TNFSF4: variants seen among roughly 807,000 people sequenced by gnomAD.
The protein encoded by TNFSF4 is TNF superfamily member 4.
A neutral mutation model predicts 7.3 loss-of-function variants in TNFSF4; 4 were observed. The ratio of observed to expected loss-of-function variants is 0.55; its 90% confidence interval spans 0.27 to 1.25. The LOEUF is 1.25. Ranked by LOEUF, TNFSF4 falls within the 50% of genes most tolerant of loss-of-function variation. The pLI is 0.12. For missense variants in TNFSF4, 181 were observed against 208.8 expected, an observed-to-expected ratio of 0.87 and a Z score of 0.82; for synonymous variants, 76 against 83.7, an observed-to-expected ratio of 0.91 and a Z score of 0.50.
the TNFSF4 span, among the ~76,000 whole-genome samples, chr1:173,404,013 A>T: frequency 1.3e-5 from 2 of 152,324 alleles, no homozygotes; most frequent in Non-Finnish European, 2.9e-5. Context: ...GAGACCTGAA[A>T]ATCTATTGGA....
At chr1:173,444,393 C>T in the TNFSF4 span, among the ~76,000 whole-genome samples, 26 of 151,432 alleles carry the variant, frequency 1.7e-4, no homozygotes, top group East Asian at 2.9e-3. Context: ...CTGTTTTTTT[C>T]GTACAAAAAG....
At chr1:173,447,730 T>C in the TNFSF4 span, among the ~76,000 whole-genome samples, 2 of 152,014 alleles carry the variant, frequency 1.3e-5, no homozygotes, top group Non-Finnish European at 2.9e-5. Context: ...ACAGAGGAAT[T>C]AAAGACAGAG....
At chr1:173,428,632 G>A in the TNFSF4 span, among the ~76,000 whole-genome samples, 80 of 152,316 alleles carry the variant, frequency 5.3e-4, no homozygotes, top group Non-Finnish European at 1.1e-3. Context: ...GCTAATGTTA[G>A]TTGAATTTAT....
the TNFSF4 span, among the ~76,000 whole-genome samples, chr1:173,281,704 C>T: frequency 1.3e-5 from 2 of 152,132 alleles, no homozygotes; most frequent in Non-Finnish European, 2.9e-5. Flanking sequence ...TGTTGGCTTG[C>T]TTCTACAGCT....
chr1:173,208,952 T>C (rs1243313673), upstream of TNFSF4, among the ~76,000 whole-genome samples: 1 of 152,120 alleles, frequency 6.6e-6, no homozygotes, highest in Non-Finnish European at 1.5e-5. Flanking sequence ...TTTAAATTAC[T>C]GTCAAAAGAA....
chr1:173,387,380 C>G, the TNFSF4 span, among the ~76,000 whole-genome samples: 1 of 152,186 alleles, frequency 6.6e-6, no homozygotes, highest in Non-Finnish European at 1.5e-5. Context: ...GAGGACACAG[C>G]ATTCAAGGTA....
intron 1 of TNFSF4, among the ~76,000 whole-genome samples, chr1:173,193,867 G>A (rs1398772741): frequency 6.6e-6 from 1 of 152,092 alleles, no homozygotes; most frequent in Admixed American, 6.6e-5. Context: ...GTCATGTCTG[G>A]CAGCAGCTGA....
chr1:173,424,820 T>C, the TNFSF4 span, among the ~76,000 whole-genome samples: 1 of 152,260 alleles, frequency 6.6e-6, no homozygotes, highest in Non-Finnish European at 1.5e-5. Flanking sequence ...ATTCCAATTC[T>C]GCCACTTACT....
At chr1:173,267,933 T>C in the TNFSF4 span, among the ~76,000 whole-genome samples, 2 of 147,958 alleles carry the variant, frequency 1.4e-5, no homozygotes, top group Non-Finnish European at 3.0e-5. Flanking sequence ...AGTATTCCTG[T>C]AAAGGAACAC....
upstream of TNFSF4, among the ~76,000 whole-genome samples, chr1:173,210,902 A>G (rs527860695): frequency 1.3e-5 from 2 of 152,268 alleles, no homozygotes; most frequent in East Asian, 3.9e-4. Context: ...AGGAAGGGAT[A>G]TGTTTATCAT....
At chr1:173,317,440 C>T in the TNFSF4 span, among the ~76,000 whole-genome samples, 8 of 152,188 alleles carry the variant, frequency 5.3e-5, no homozygotes, top group African/African-American at 7.2e-5. Context: ...GGATTAACAA[C>T]GGAGAGTCAA....
the TNFSF4 span, among the ~76,000 whole-genome samples, chr1:173,322,951 C>A: frequency 1.3e-5 from 2 of 152,214 alleles, no homozygotes; most frequent in Non-Finnish European, 2.9e-5. Flanking sequence ...ATAGACTCCA[C>A]CTCTGGGGGC....
the TNFSF4 span, among the ~76,000 whole-genome samples, chr1:173,309,484 T>G: frequency 1.3e-5 from 2 of 151,948 alleles, no homozygotes; most frequent in African/African-American, 4.8e-5. Context: ...TAATTTTTCT[T>G]TTTTAGTTGA....
chr1:173,324,574 GA>G, the TNFSF4 span, among the ~76,000 whole-genome samples: 2 of 152,282 alleles, frequency 1.3e-5, no homozygotes, highest in African/African-American at 4.8e-5. Flanking sequence ...CTAGCAAATT[GA>G]ATAAAGAGTC....
chr1:173,259,084 G>A, the TNFSF4 span, among the ~76,000 whole-genome samples: 1 of 152,046 alleles, frequency 6.6e-6, no homozygotes, highest in Non-Finnish European at 1.5e-5. Context: ...CCTTATACAG[G>A]AGCATTCCCA....
At chr1:173,203,877 G>C (rs1422231596) in intron 1 of TNFSF4, among the ~76,000 whole-genome samples, 1 of 152,184 alleles carries the variant, frequency 6.6e-6, no homozygotes, top group Non-Finnish European at 1.5e-5. Flanking sequence ...CATAGCTGAA[G>C]TTCCAGGTAA....
chr1:173,261,437 C>G, the TNFSF4 span, among the ~76,000 whole-genome samples: 1 of 151,992 alleles, frequency 6.6e-6, no homozygotes, highest in East Asian at 1.9e-4. Flanking sequence ...GAAGAGCAAA[C>G]AAACCCCAAA....
At chr1:173,320,907 G>A in the TNFSF4 span, among the ~76,000 whole-genome samples, 1 of 152,162 alleles carries the variant, frequency 6.6e-6, no homozygotes, top group Non-Finnish European at 1.5e-5. Flanking sequence ...GCTGCCCAAA[G>A]TAATTTATAG....
At chr1:173,252,980 T>G in the TNFSF4 span, among the ~76,000 whole-genome samples, 1 of 152,212 alleles carries the variant, frequency 6.6e-6, no homozygotes, top group African/African-American at 2.4e-5. Context: ...ATGGTCAAAC[T>G]ATAAAAGATT....
Sources: gnomAD v4.1 joint callset for allele counts (sites outside exome capture counted in the v4.1 genomes callset) on GRCh38, gnomAD v4.1.1 for gene constraint, MANE v1.5 for transcripts, NCBI Gene and HGNC (gene_info 2026-07-23, HGNC 2026-07-21) for gene names.